The following GLIS3 variants were observed in gnomAD, a reference collection of about 807,000 sequenced individuals.
The protein encoded by GLIS3 is GLIS family zinc finger 3.
A neutral mutation model predicts 78.6 loss-of-function variants in GLIS3; 53 were observed. The observed-to-expected ratio is 0.67, with a 90% CI of 0.54 to 0.85. The LOEUF (loss-of-function observed/expected upper bound fraction) is 0.85. GLIS3 is among the 40% of genes least tolerant of loss of function. The pLI is 0.00. For missense variants in GLIS3, 1,703 were observed against 1,231.1 expected (o/e 1.38, Z -5.74); for synonymous variants, 684 against 509.9 (o/e 1.34, Z -4.60).
At chr9:3,974,526 T>C (rs1387356126) in intron 4 of GLIS3, among the ~76,000 whole-genome samples, 1 of 152,188 alleles carries the variant, frequency 6.6e-6, no homozygotes, top group African/African-American at 2.4e-5. Flanking sequence ...ACTATCCCAA[T>C]GACAGACATA....
chr9:4,238,078 C>G (rs1822942079), intron 2 of GLIS3, among the ~76,000 whole-genome samples: 1 of 152,196 alleles, frequency 6.6e-6, no homozygotes, highest in Non-Finnish European at 1.5e-5. Flanking sequence ...TGCTTCTATA[C>G]CAGTGAGCAC....
At chr9:4,463,032 C>G in the GLIS3 span, among the ~76,000 whole-genome samples, 1 of 152,108 alleles carries the variant, frequency 6.6e-6, no homozygotes, top group Non-Finnish European at 1.5e-5. Flanking sequence ...TTTTTCTGTC[C>G]CACTGGAGAT....
At chr9:4,227,670 G>A (rs1458320818) in intron 2 of GLIS3, among the ~76,000 whole-genome samples, 3 of 152,182 alleles carry the variant, frequency 2.0e-5, no homozygotes. Flanking sequence ...ACCTATCCGG[G>A]ACTTCTGTAA....
intron 2 of GLIS3, among the ~76,000 whole-genome samples, chr9:4,345,853 C>T (rs551388581): frequency 1.1e-4 from 16 of 152,242 alleles, no homozygotes; most frequent in African/African-American, 3.6e-4. Context: ...GGGAATGACA[C>T]GTCTTTTTTT....
chr9:4,192,726 T>C (rs1464024836), intron 2 of GLIS3, among the ~76,000 whole-genome samples: 2 of 150,612 alleles, frequency 1.3e-5, no homozygotes, highest in African/African-American at 4.9e-5. Flanking sequence ...GAACACAGAA[T>C]AGAACGAGAC....
chr9:4,297,861 C>T (rs1816697443), intron 1 of GLIS3, among the ~76,000 whole-genome samples: 1 of 152,108 alleles, frequency 6.6e-6, no homozygotes. Flanking sequence ...TAGGACAAGG[C>T]AGGAGGAGGG....
intron 9 of GLIS3, among the ~76,000 whole-genome samples, chr9:3,836,763 T>C (rs1051491069): frequency 6.6e-6 from 1 of 152,132 alleles, no homozygotes; most frequent in African/African-American, 2.4e-5. Context: ...GGGTTGCTGT[T>C]TCCCCCAAAT....
chr9:4,218,339 T>C (rs1470507917), intron 2 of GLIS3, among the ~76,000 whole-genome samples: 3 of 152,074 alleles, frequency 2.0e-5, no homozygotes, highest in East Asian at 3.9e-4. Context: ...AGTGCAGTGG[T>C]GCGATCTCGG....
chr9:4,243,024 A>G (rs1391715675), intron 2 of GLIS3, among the ~76,000 whole-genome samples: 1 of 152,208 alleles, frequency 6.6e-6, no homozygotes. Flanking sequence ...GTTTTAGTAT[A>G]TTCCAGATAT....
intron 4 of GLIS3, among the ~76,000 whole-genome samples, chr9:4,089,012 G>A (rs1829273584): frequency 6.6e-6 from 1 of 152,216 alleles, no homozygotes; most frequent in Admixed American, 6.5e-5. Context: ...CATGAGCTGT[G>A]TTAAAACAAA....
intron 2 of GLIS3, among the ~76,000 whole-genome samples, chr9:4,285,005 C>T (rs1338343117): frequency 1.3e-5 from 2 of 152,080 alleles, no homozygotes; most frequent in African/African-American, 2.4e-5. Context: ...TATCCAAACA[C>T]AGAAATACAC....
chr9:3,866,022 C>G (rs984624473), intron 8 of GLIS3, among the ~76,000 whole-genome samples: 1 of 152,160 alleles, frequency 6.6e-6, no homozygotes, highest in Non-Finnish European at 1.5e-5. Context: ...TGAAGTGGTC[C>G]GAAGCAGATT....
the GLIS3 span, among the ~76,000 whole-genome samples, chr9:4,441,091 T>G: frequency 6.6e-6 from 1 of 152,216 alleles, no homozygotes; most frequent in Non-Finnish European, 1.5e-5. Flanking sequence ...GATCATGTTA[T>G]CTGCCAACAC....
chr9:3,861,473 A>AGAT (rs1820208504), intron 8 of GLIS3, among the ~76,000 whole-genome samples: 2 of 152,184 alleles, frequency 1.3e-5, no homozygotes, highest in East Asian at 3.8e-4. Flanking sequence ...AATCATATAA[A>AGAT]GATACATGCA....
intron 4 of GLIS3, among the ~76,000 whole-genome samples, chr9:4,020,547 G>C (rs971830898): frequency 1.3e-5 from 2 of 152,136 alleles, no homozygotes; most frequent in African/African-American, 4.8e-5. Flanking sequence ...CAACCAGTTA[G>C]GTTGGCTTTA....
chr9:4,324,504 T>C (rs908737744), intron 2 of GLIS3, among the ~76,000 whole-genome samples: 4 of 152,204 alleles, frequency 2.6e-5, no homozygotes, highest in Non-Finnish European at 4.4e-5. Context: ...TAAGAGACAA[T>C]ACACATTAGT....
At chr9:4,300,845 G>C (rs1348922109), upstream of GLIS3, among the ~76,000 whole-genome samples, 1 of 151,860 alleles carries the variant, frequency 6.6e-6, no homozygotes, top group Non-Finnish European at 1.5e-5. Context: ...GGGAATCTAG[G>C]TATGTAATGC....
chr9:4,195,784 A>C (rs113168759), intron 2 of GLIS3, among the ~76,000 whole-genome samples: 5,468 of 152,318 alleles, frequency 0.036, 351 homozygotes, highest in African/African-American at 0.13. Context: ...TAGCTGGAGG[A>C]TTGTGGATGC....
At chr9:4,124,891 T>G (rs368101256) in intron 3 of GLIS3, among the ~76,000 whole-genome samples, 2 of 152,170 alleles carry the variant, frequency 1.3e-5, no homozygotes, top group African/African-American at 4.8e-5. Flanking sequence ...GTGGATTGTG[T>G]TTTTCCAAGA....
Sources: allele counts gnomAD v4.1 joint callset (sites outside exome capture counted in the v4.1 genomes callset), GRCh38; gene constraint gnomAD v4.1.1; transcripts MANE v1.5; gene names NCBI Gene and HGNC (gene_info 2026-07-23, HGNC 2026-07-21).